Variants in CTNNA2 observed in about 807,000 individuals in gnomAD.
The protein encoded by CTNNA2 is catenin alpha-2.
A neutral mutation model predicts 101.0 loss-of-function variants in CTNNA2; 42 were observed. The observed-to-expected ratio is 0.42, with a 90% CI of 0.32 to 0.54. The LOEUF is 0.54. Ranked by LOEUF, CTNNA2 falls within the 20% of genes least tolerant of loss-of-function variation. The probability of loss-of-function intolerance (pLI) is 0.14; values close to 1 mark genes in which losing one functional copy is unlikely to be tolerated. For synonymous variants in CTNNA2, 450 were observed against 456.4 expected, an observed-to-expected ratio of 0.99 and a Z score of 0.18; for missense variants, 871 against 1,223.1, an observed-to-expected ratio of 0.71 and a Z score of 4.29.
intron 3 of CTNNA2, among the ~76,000 whole-genome samples, chr2:79,366,501 G>A (rs1375181102): frequency 1.3e-5 from 2 of 152,132 alleles, no homozygotes; most frequent in African/African-American, 2.4e-5. Flanking sequence ...AGAATAAGAC[G>A]GAGAGCTATT....
chr2:79,365,990 C>G (rs17759703), intron 3 of CTNNA2, among the ~76,000 whole-genome samples: 6,472 of 152,296 alleles, frequency 0.042, 186 homozygotes, highest in Middle Eastern at 0.099. Context: ...AGTTCATCCA[C>G]CAGACTTATG....
chr2:79,513,278 C>T (rs1359734807), intron 1 of CTNNA2, 71 bp downstream of exon 1: 2 of 147,664 alleles, frequency 1.4e-5, no homozygotes, highest in Non-Finnish European at 3.0e-5. Context: ...CCATCCTCTC[C>T]ATCCTCCCCC....
chr2:79,623,931 G>T (rs1314767195), intron 1 of CTNNA2, among the ~76,000 whole-genome samples: 2 of 152,144 alleles, frequency 1.3e-5, no homozygotes, highest in South Asian at 4.1e-4. Context: ...TAGTAGCTCT[G>T]TAACTTGACT....
intron 4 of CTNNA2, among the ~76,000 whole-genome samples, chr2:79,388,635 C>T (rs537335043): frequency 6.6e-6 from 1 of 152,272 alleles, no homozygotes; most frequent in East Asian, 1.9e-4. Context: ...CTCTGCCCTC[C>T]TCCCACTCTA....
intron 7 of CTNNA2, among the ~76,000 whole-genome samples, chr2:80,048,085 A>T (rs1271617952): frequency 2.6e-5 from 4 of 152,180 alleles, no homozygotes; most frequent in Non-Finnish European, 4.4e-5. Context: ...TGGTTTAAAG[A>T]CAGTTGTAAA....
intron 2 of CTNNA2, among the ~76,000 whole-genome samples, chr2:79,214,291 G>A (rs1323535314): frequency 6.6e-6 from 1 of 152,078 alleles, no homozygotes; most frequent in Admixed American, 6.6e-5. Flanking sequence ...AGAGAGGCTG[G>A]GATGAAGGGT....
intron 9 of CTNNA2, among the ~76,000 whole-genome samples, chr2:80,502,020 G>C (rs1687917496): frequency 6.6e-6 from 1 of 152,144 alleles, no homozygotes; most frequent in Non-Finnish European, 1.5e-5. Flanking sequence ...CTTTGGAATA[G>C]TAGTAGAAAG....
At chr2:80,268,186 C>T (rs1673165306) in intron 7 of CTNNA2, among the ~76,000 whole-genome samples, 1 of 152,192 alleles carries the variant, frequency 6.6e-6, no homozygotes. Flanking sequence ...AGCCCTGGAC[C>T]CCAGATGCAA....
chr2:80,466,722 C>T (rs1196289854), intron 9 of CTNNA2, among the ~76,000 whole-genome samples: 2 of 152,174 alleles, frequency 1.3e-5, no homozygotes, highest in Non-Finnish European at 2.9e-5. Context: ...GTGAGTTCAG[C>T]TGGGTTATTG....
chr2:80,633,483 G>A (rs138126896), intron 18 of CTNNA2, among the ~76,000 whole-genome samples: 112 of 152,146 alleles, frequency 7.4e-4, no homozygotes, highest in African/African-American at 2.3e-3. Context: ...TGACTGCTTC[G>A]TCACATGACT....
chr2:80,522,873 G>A (rs752550744), intron 9 of CTNNA2, among the ~76,000 whole-genome samples: 7 of 152,128 alleles, frequency 4.6e-5, no homozygotes, highest in African/African-American at 1.2e-4. Flanking sequence ...TTGTAGCAGC[G>A]TGAGAATAGA....
At chr2:80,557,728 A>G (rs1021079143) in intron 12 of CTNNA2, among the ~76,000 whole-genome samples, 1 of 152,190 alleles carries the variant, frequency 6.6e-6, no homozygotes, top group African/African-American at 2.4e-5. Flanking sequence ...TGCTTTGACA[A>G]CAGGAGTGCC....
chr2:80,107,996 C>T (rs999557104), intron 7 of CTNNA2, among the ~76,000 whole-genome samples: 1 of 152,208 alleles, frequency 6.6e-6, no homozygotes, highest in Non-Finnish European at 1.5e-5. Flanking sequence ...GCACTGCTTT[C>T]ACCTAGCGGG....
At position 79,502,990 on chromosome 2, in the gene CTNNA2, T is replaced by C. The variant is rs372932839; in HGVS notation, c.-134-2064T>C. On this transcript the variant is annotated intron_variant, in intron 4 of 21. Coordinates refer to the CTNNA2 transcript ENST00000466387. ...TATAGACCTTCTCTTACCAAAGCGA[T>C]TTGACTACCATCCTTGCTGTGTGCA... Among the ~76,000 whole-genome samples the C allele has an allele frequency of 2.6e-5, 4 of 152,164 alleles. No individual in the cohort carries two copies. The East Asian group carries it at 7.7e-4, about 29-fold the overall frequency.
At chr2:79,657,985 T>C (rs922192961) in intron 2 of CTNNA2, among the ~76,000 whole-genome samples, 1 of 151,836 alleles carries the variant, frequency 6.6e-6, no homozygotes, top group African/African-American at 2.4e-5. Flanking sequence ...TCATTACAAG[T>C]AATATGAAAA....
chr2:80,385,030 G>A (rs1318163921), intron 7 of CTNNA2, among the ~76,000 whole-genome samples: 2 of 152,030 alleles, frequency 1.3e-5, no homozygotes, highest in East Asian at 3.9e-4. Flanking sequence ...GGCCAAGTGT[G>A]TCATTCATTG....
intron 18 of CTNNA2, among the ~76,000 whole-genome samples, chr2:80,621,062 G>A (rs1305026366): frequency 6.6e-6 from 1 of 151,858 alleles, no homozygotes; most frequent in African/African-American, 2.4e-5. Context: ...GAAATGGAGT[G>A]GAGGTTGCAT....
intron 7 of CTNNA2, among the ~76,000 whole-genome samples, chr2:80,015,567 T>A (rs6711371): frequency 6.6e-6 from 1 of 151,956 alleles, no homozygotes; most frequent in African/African-American, 2.4e-5. Context: ...ATTTGGTGTG[T>A]GCAGAAGGAT....
intron 12 of CTNNA2, among the ~76,000 whole-genome samples, chr2:80,559,882 A>ATATATATATTTT (rs1693400996): frequency 7.2e-6 from 1 of 139,774 alleles, no homozygotes; most frequent in African/African-American, 2.9e-5. Context: ...TCATATTTAT[A>ATATATATATTTT]TATATATATA....
Sources: allele counts gnomAD v4.1 joint callset (sites outside exome capture counted in the v4.1 genomes callset), GRCh38; gene constraint gnomAD v4.1.1; transcripts MANE v1.5; gene names NCBI Gene and HGNC (gene_info 2026-07-23, HGNC 2026-07-21).